The following TRIO variants were observed in gnomAD, a reference collection of about 807,000 sequenced individuals.
TRIO encodes trio Rho guanine nucleotide exchange factor.
TRIO carries 58 observed loss-of-function variants against 351.9 expected under a neutral mutation model. The ratio of observed to expected loss-of-function variants is 0.16; its 90% confidence interval spans 0.13 to 0.21. TRIO has a LOEUF of 0.21. Ranked by LOEUF, TRIO falls within the 10% of genes least tolerant of loss-of-function variation. The pLI is 1.00. For synonymous variants in TRIO, 1,758 were observed against 1,595.7 expected, an observed-to-expected ratio of 1.10 and a Z score of -2.42; for missense variants, 3,201 against 4,027.8, an observed-to-expected ratio of 0.79 and a Z score of 5.56.
At chr5:14,293,474 T>TC (rs375540727) in intron 6 of TRIO, among the ~76,000 whole-genome samples, 204 of 151,994 alleles carry the variant, frequency 1.3e-3, no homozygotes, top group African/African-American at 4.6e-3. Flanking sequence ...GCACAGTGAG[T>TC]CCCCCAGACG....
rs550943648 is a variant in TRIO at position 14,457,653 on chromosome 5, C to T, written c.5204-3366C>T. Among the ~76,000 whole-genome samples, 3 of 152,272 alleles carry T rather than the reference C, an allele frequency of 2.0e-5. No homozygotes were observed. The South Asian group carries it at 6.2e-4, about 32-fold the overall frequency. On this transcript the variant is annotated intron_variant, in intron 34 of 56. Transcript: ENST00000344204. Reference sequence around the variant, plus strand: ...CATCCTTGTAACGCCAGCTGGGTGCCACAAAGCATTATTAATTGACTGTGG... The same window carrying T: ...CATCCTTGTAACGCCAGCTGGGTGCTACAAAGCATTATTAATTGACTGTGG...
intron 48 of TRIO, chr5:14,488,642 C>CT (rs1162273848): frequency 5.5e-5 from 29 of 525,738 alleles, no homozygotes; most frequent in Non-Finnish European, 8.5e-5. Flanking sequence ...AACCTGTACA[C>CT]TTTAAGCTTT....
At chr5:14,502,213 A>G (rs889388050) in intron 53 of TRIO, among the ~76,000 whole-genome samples, 2 of 152,192 alleles carry the variant, frequency 1.3e-5, no homozygotes, top group Non-Finnish European at 2.9e-5. Context: ...GTGCTGTCCA[A>G]TAGAAGCAAA....
intron 49 of TRIO, among the ~76,000 whole-genome samples, chr5:14,494,694 TTCGAGACCAGC>T (rs1756745179): frequency 6.6e-6 from 1 of 151,772 alleles, no homozygotes; most frequent in South Asian, 2.1e-4. Context: ...AGGTCAGGAG[TTCGAGACCAGC>T]CTGACAAGTA....
chr5:14,188,556 A>G (rs1441286202), intron 1 of TRIO, among the ~76,000 whole-genome samples: 6 of 152,188 alleles, frequency 3.9e-5, no homozygotes, highest in Non-Finnish European at 5.9e-5. Context: ...TCAATGCCTT[A>G]TACATACTAA....
In TRIO at chr5:14,230,245, C is replaced by A. The variant is rs571600595; in HGVS notation, c.158-40580C>A. On this transcript the variant is annotated intron_variant, in intron 1 of 56. Transcript: ENST00000344204. ...CTCCTGAAAAATATTGTGTATAAAA[C>A]CTGTGCCCAAAAATGGGTGAAATGG... Among the ~76,000 whole-genome samples the A allele has an allele frequency of 9.9e-5, 15 of 152,186 alleles. No individual in the cohort carries two copies. The South Asian group carries it at 1.9e-3, about 19-fold the overall frequency.
At chr5:14,299,632 G>A (rs1263161141) in intron 7 of TRIO, among the ~76,000 whole-genome samples, 1 of 152,186 alleles carries the variant, frequency 6.6e-6, no homozygotes, top group Admixed American at 6.5e-5. Context: ...CTAGGTCAAC[G>A]TTGTTCCCTC....
intron 1 of TRIO, among the ~76,000 whole-genome samples, chr5:14,235,939 A>T (rs988796274): frequency 1.3e-5 from 2 of 152,192 alleles, no homozygotes; most frequent in African/African-American, 2.4e-5. Flanking sequence ...TGCCTGGATT[A>T]CAGGTGTGAG....
At chr5:14,174,248 G>A (rs1789275610) in intron 1 of TRIO, among the ~76,000 whole-genome samples, 1 of 152,144 alleles carries the variant, frequency 6.6e-6, no homozygotes, top group South Asian at 2.1e-4. Context: ...CTTAGTTAAG[G>A]CACTTTTGGT....
intron 1 of TRIO, among the ~76,000 whole-genome samples, chr5:14,188,446 G>T (rs73055601): frequency 2.6e-5 from 4 of 152,126 alleles, no homozygotes; most frequent in Non-Finnish European, 4.4e-5. Flanking sequence ...TAACCACTTC[G>T]CTATAACTGT....
chr5:14,360,665 C>T (rs1256677479), intron 13 of TRIO, among the ~76,000 whole-genome samples: 3 of 152,202 alleles, frequency 2.0e-5, no homozygotes, highest in Admixed American at 6.5e-5. Context: ...CATAGTGGGC[C>T]GTGTGGCTTC....
intron 1 of TRIO, among the ~76,000 whole-genome samples, chr5:14,171,826 G>A (rs1350865027): frequency 6.6e-6 from 1 of 152,146 alleles, no homozygotes; most frequent in Admixed American, 6.5e-5. Context: ...ACCTAGAGTA[G>A]CCTTTTCAGC....
intron 1 of TRIO, 55 bp downstream of exon 1, chr5:14,143,937 AC>A: frequency 1.9e-6 from 2 of 1,030,608 alleles, no homozygotes; most frequent in East Asian, 7.9e-5. Context: ...CGCTCGGCCG[AC>A]CCGCCGCGGA....
intron 53 of TRIO, chr5:14,498,950 C>T: frequency 6.7e-6 from 2 of 298,670 alleles, no homozygotes; most frequent in Non-Finnish European, 1.3e-5. Flanking sequence ...CCCCCACGAC[C>T]AGCTTCTGAG....
At chr5:14,173,755 T>G (rs1304423813) in intron 1 of TRIO, among the ~76,000 whole-genome samples, 1 of 152,254 alleles carries the variant, frequency 6.6e-6, no homozygotes, top group African/African-American at 2.4e-5. Flanking sequence ...AATGTAATTT[T>G]GGTTTTCTAT....
chr5:14,404,713 A>T (rs149618746), intron 31 of TRIO, among the ~76,000 whole-genome samples: 2 of 152,000 alleles, frequency 1.3e-5, no homozygotes, highest in African/African-American at 4.8e-5. Context: ...CTGCTGTCCT[A>T]TGTCACTCCG....
At chr5:14,150,653 A>G (rs1325126981) in intron 1 of TRIO, among the ~76,000 whole-genome samples, 2 of 152,240 alleles carry the variant, frequency 1.3e-5, no homozygotes, top group Admixed American at 1.3e-4. Context: ...CTCACTCATA[A>G]TCGAGGAAAT....
At chr5:14,263,135 C>A (rs751319816) in intron 1 of TRIO, among the ~76,000 whole-genome samples, 3 of 152,190 alleles carry the variant, frequency 2.0e-5, no homozygotes, top group Non-Finnish European at 4.4e-5. Flanking sequence ...ATTCTCATCG[C>A]TCTGGCCCTG....
intron 1 of TRIO, among the ~76,000 whole-genome samples, chr5:14,255,356 T>G (rs1262844912): frequency 6.6e-6 from 1 of 152,190 alleles, no homozygotes; most frequent in Non-Finnish European, 1.5e-5. Context: ...GCAGCATTAT[T>G]TGTAATAGCA....
Sources: allele counts gnomAD v4.1 joint callset (sites outside exome capture counted in the v4.1 genomes callset), GRCh38; gene constraint gnomAD v4.1.1; transcripts MANE v1.5; gene names NCBI Gene and HGNC (gene_info 2026-07-23, HGNC 2026-07-21).